Variants in ZSWIM5 observed in about 807,000 individuals in gnomAD.
ZSWIM5 encodes zinc finger SWIM-type containing 5, also known as zinc finger SWIM domain-containing protein 5.
Under a neutral mutation model 119.6 loss-of-function variants are expected in ZSWIM5, and 55 were observed. The observed-to-expected ratio is 0.46, with a 90% CI of 0.37 to 0.58. ZSWIM5 has a LOEUF of 0.58. Ranked by LOEUF, ZSWIM5 falls within the 20% of genes least tolerant of loss-of-function variation. ZSWIM5 has a pLI of 0.00. For missense variants in ZSWIM5, 1,193 were observed against 1,512.8 expected (o/e 0.79, Z 3.51); for synonymous variants, 537 against 606.9 (o/e 0.88, Z 1.69).
intron 2 of ZSWIM5, among the ~76,000 whole-genome samples, chr1:45,081,033 C>T (rs1645286524): frequency 6.6e-6 from 1 of 152,018 alleles, no homozygotes; most frequent in Non-Finnish European, 1.5e-5. Flanking sequence ...GAATTTTATT[C>T]CTGCTGTTTT....
intron 1 of ZSWIM5, among the ~76,000 whole-genome samples, chr1:45,144,832 T>C (rs993411059): frequency 9.9e-5 from 15 of 152,118 alleles, no homozygotes; most frequent in African/African-American, 2.7e-4. Flanking sequence ...TTCATTAACA[T>C]TAAAAACTCT....
At chr1:45,132,373 CTAT>C (rs1645663121) in intron 1 of ZSWIM5, among the ~76,000 whole-genome samples, 2 of 152,068 alleles carry the variant, frequency 1.3e-5, no homozygotes, top group African/African-American at 4.8e-5. Context: ...TTCATACAGT[CTAT>C]GATTCTATGC....
In ZSWIM5 at chr1:45,035,823, C is replaced by T; in HGVS notation, c.2156G>A (p.Gly719Glu). The stretch of plus-strand genomic sequence containing the variant: ...TTCTCCCAGACCGCTGAAAGGACCT[C>T]CTGGAGGAAGATAAGCCAGCCAGTT... ...LQKQCILLLEGGPFSGLGEVI... is the reference protein window; with the variant it reads ...LQKQCILLLEEGPFSGLGEVI... The change falls in exon 10 of 14, where the codon GGA (glycine) becomes GAA (glutamate). Residue 719 changes from glycine to glutamate, a missense_variant and splice_region_variant. Around this residue, in one of 2 missense-constraint regions of ZSWIM5, gnomAD observed 961 missense variants for 1,290.0 expected, o/e 0.74. Transcript: ENST00000359600. The T allele has an allele frequency of 6.2e-7, 1 of 1,612,898 alleles. No individual in the cohort carries two copies. The highest frequency in any genetic ancestry group is 8.5e-7 in the Non-Finnish European group (1 of 1,179,696).
At chr1:45,083,653 C>T (rs554143543) in intron 2 of ZSWIM5, among the ~76,000 whole-genome samples, 100 of 152,184 alleles carry the variant, frequency 6.6e-4, no homozygotes, top group Non-Finnish European at 1.3e-3. Context: ...ATACAGGCCA[C>T]CCACCTGGTC....
chr1:45,033,148 G>T (rs1364841516), intron 11 of ZSWIM5, among the ~76,000 whole-genome samples: 2 of 152,050 alleles, frequency 1.3e-5, no homozygotes, highest in African/African-American at 4.8e-5. Flanking sequence ...TTGCCAATAA[G>T]ATCAGTAAAA....
At chr1:45,097,066 G>A (rs1269614335) in intron 1 of ZSWIM5, among the ~76,000 whole-genome samples, 1 of 152,172 alleles carries the variant, frequency 6.6e-6, no homozygotes, top group East Asian at 1.9e-4. Context: ...TAAATGTGCA[G>A]CAAGAGCTCT....
At chr1:45,064,123 C>T (rs560290893) in intron 2 of ZSWIM5, among the ~76,000 whole-genome samples, 7 of 152,178 alleles carry the variant, frequency 4.6e-5, no homozygotes, top group South Asian at 4.1e-4. Context: ...TGCCACCTGC[C>T]GAAAGTATGC....
intron 1 of ZSWIM5, among the ~76,000 whole-genome samples, chr1:45,100,117 T>C (rs1198116164): frequency 1.3e-5 from 2 of 152,242 alleles, no homozygotes; most frequent in African/African-American, 2.4e-5. Context: ...TGTCCCTGTT[T>C]GCAGATGACA....
chr1:45,138,236 G>A (rs1645701444), intron 1 of ZSWIM5, among the ~76,000 whole-genome samples: 1 of 151,916 alleles, frequency 6.6e-6, no homozygotes, highest in African/African-American at 2.4e-5. Flanking sequence ...GGGCACGGTG[G>A]CTCACACCTG....
intron 1 of ZSWIM5, among the ~76,000 whole-genome samples, chr1:45,165,275 A>G (rs1645893889): frequency 6.6e-6 from 1 of 152,164 alleles, no homozygotes; most frequent in Admixed American, 6.6e-5. Context: ...CAATGAGAAC[A>G]AGGACACAAC....
chr1:45,116,294 C>T (rs1317994776), intron 1 of ZSWIM5, among the ~76,000 whole-genome samples: 2 of 152,136 alleles, frequency 1.3e-5, no homozygotes, highest in African/African-American at 2.4e-5. Context: ...GACTTTTCTC[C>T]CTAGAGAATA....
chr1:45,056,643 A>G (rs1359808458), intron 4 of ZSWIM5, among the ~76,000 whole-genome samples: 2 of 151,816 alleles, frequency 1.3e-5, no homozygotes, highest in African/African-American at 4.8e-5. Flanking sequence ...GCATATTTGT[A>G]TGCTGATGGA....
chr1:45,199,426 G>A (rs1370393714), intron 1 of ZSWIM5, among the ~76,000 whole-genome samples: 1 of 151,852 alleles, frequency 6.6e-6, no homozygotes, highest in Non-Finnish European at 1.5e-5. Flanking sequence ...AACCTCCTGA[G>A]TAGCTGGGAC....
chr1:45,036,390 T>C (rs546518842), intron 8 of ZSWIM5, 91 bp from the exon 9 acceptor site: 8 of 1,499,264 alleles, frequency 5.3e-6, no homozygotes, highest in Non-Finnish European at 7.1e-6. Flanking sequence ...AGTCTTGCTC[T>C]GTTGTCCAGG....
chr1:45,203,990 TAA>T (rs1337374688), intron 1 of ZSWIM5, among the ~76,000 whole-genome samples: 1 of 152,112 alleles, frequency 6.6e-6, no homozygotes, highest in African/African-American at 2.4e-5. Context: ...GAAACTACCA[TAA>T]GAGAGCCTAT....
intron 11 of ZSWIM5, among the ~76,000 whole-genome samples, chr1:45,031,532 T>C (rs1309044919): frequency 6.6e-6 from 1 of 151,930 alleles, no homozygotes. Context: ...GGGTTTTCTT[T>C]TTCTGACTTC....
intron 1 of ZSWIM5, among the ~76,000 whole-genome samples, chr1:45,103,948 T>C (rs1645454803): frequency 6.6e-6 from 1 of 152,192 alleles, no homozygotes; most frequent in Non-Finnish European, 1.5e-5. Context: ...ATGATTATCA[T>C]TTCAGCCAAT....
chr1:45,137,317 G>A (rs1308741745), intron 1 of ZSWIM5, among the ~76,000 whole-genome samples: 1 of 152,086 alleles, frequency 6.6e-6, no homozygotes, highest in Non-Finnish European at 1.5e-5. Flanking sequence ...CCAAAGCATT[G>A]GGATTGCAGG....
intron 5 of ZSWIM5, among the ~76,000 whole-genome samples, chr1:45,046,514 T>C (rs2148995607): frequency 6.6e-6 from 1 of 152,174 alleles, no homozygotes; most frequent in South Asian, 2.1e-4. Context: ...GAGGAGCAGG[T>C]TTGCGTGGGG....
Sources: allele counts gnomAD v4.1 joint callset (sites outside exome capture counted in the v4.1 genomes callset), GRCh38; gene constraint gnomAD v4.1.1; regional missense constraint gnomAD v4.1.1; transcripts MANE v1.5; gene names NCBI Gene and HGNC (gene_info 2026-07-23, HGNC 2026-07-21).